Variants in NUP93 observed in about 807,000 individuals in gnomAD.
The protein encoded by NUP93 is nuclear pore complex protein Nup93.
In NUP93, 55 loss-of-function variants were observed where a neutral mutation model predicts 107.8. The observed-to-expected ratio is 0.51, with a 90% confidence interval of 0.41 to 0.64. NUP93 has a LOEUF of 0.64. Ranked by LOEUF, NUP93 falls within the 30% of genes least tolerant of loss-of-function variation. The pLI is 0.00. For synonymous variants in NUP93, 390 were observed against 397.5 expected, an observed-to-expected ratio of 0.98 and a Z score of 0.22; for missense variants, 937 against 1,044.7, an observed-to-expected ratio of 0.90 and a Z score of 1.42.
chr16:56,731,216 C>G (rs138177420), intron 1 of NUP93, among the ~76,000 whole-genome samples: 20 of 152,204 alleles, frequency 1.3e-4, no homozygotes, highest in African/African-American at 4.1e-4. Flanking sequence ...CACTTAATAT[C>G]TCCACTGAGA....
At chr16:56,800,237 C>T (rs1257585270) in intron 4 of NUP93, among the ~76,000 whole-genome samples, 1 of 152,128 alleles carries the variant, frequency 6.6e-6, no homozygotes, top group African/African-American at 2.4e-5. Context: ...GGCAATAGTA[C>T]TTAGTCATAG....
chr16:56,809,049 A>C (rs13335179), intron 5 of NUP93, among the ~76,000 whole-genome samples: 90,666 of 151,854 alleles, frequency 0.6, 27,898 homozygotes, highest in East Asian at 0.84. Context: ...TAGCTTACTG[A>C]ATGCTCTGTT....
chr16:56,843,213 G>A (rs938702617), intron 21 of NUP93, among the ~76,000 whole-genome samples: 10 of 152,224 alleles, frequency 6.6e-5, no homozygotes, highest in Non-Finnish European at 1.3e-4. Flanking sequence ...GCCAGCGGTG[G>A]GTTCATGGTG....
chr16:56,740,079 C>T (rs1216572249), intron 1 of NUP93, among the ~76,000 whole-genome samples: 11 of 106,916 alleles, frequency 1.0e-4, no homozygotes, highest in Admixed American at 1.8e-4. Context: ...GGAGGGCTCA[C>T]CCCCCCACCT....
intron 1 of NUP93, among the ~76,000 whole-genome samples, chr16:56,744,654 A>G (rs1961793003): frequency 6.6e-6 from 1 of 152,170 alleles, no homozygotes; most frequent in Non-Finnish European, 1.5e-5. Context: ...GAAGTTATGT[A>G]GCAAAATTCT....
chr16:56,745,263 G>GTCTT (rs1352025460), intron 1 of NUP93, among the ~76,000 whole-genome samples: 3 of 152,286 alleles, frequency 2.0e-5, no homozygotes, highest in Non-Finnish European at 4.4e-5. Context: ...GAATGTGCCT[G>GTCTT]ATCTGTTGGG....
intron 3 of NUP93, among the ~76,000 whole-genome samples, chr16:56,766,954 G>T (rs984518838): frequency 1.3e-4 from 20 of 152,214 alleles, no homozygotes; most frequent in African/African-American, 4.8e-4. Flanking sequence ...ATTTTCTTGT[G>T]CTGCAGTGCT....
chr16:56,734,855 G>A (rs1223383024), intron 1 of NUP93, among the ~76,000 whole-genome samples: 1 of 152,190 alleles, frequency 6.6e-6, no homozygotes, highest in African/African-American at 2.4e-5. Flanking sequence ...CCAAGTCTTT[G>A]TTAGATGCTA....
intron 1 of NUP93, chr16:56,741,011 G>GGGAGAA (rs1422768306): frequency 2.1e-4 from 31 of 148,108 alleles, no homozygotes; most frequent in African/African-American, 7.3e-4. Context: ...CGTGGGGAGA[G>GGGAGAA]GGAGAGGGAG....
chr16:56,832,645 A>G (rs1306779748), intron 12 of NUP93, among the ~76,000 whole-genome samples: 1 of 152,258 alleles, frequency 6.6e-6, no homozygotes, highest in African/African-American at 2.4e-5. Context: ...TCTAGTAGAC[A>G]TATGCTCAGG....
intron 1 of NUP93, among the ~76,000 whole-genome samples, chr16:56,735,857 G>A (rs1015896947): frequency 1.3e-5 from 2 of 151,468 alleles, no homozygotes; most frequent in Non-Finnish European, 2.9e-5. Context: ...AGCTAGAGGT[G>A]GCCACAGAGA....
intron 3 of NUP93, among the ~76,000 whole-genome samples, chr16:56,761,994 A>C (rs1962136246): frequency 6.6e-6 from 1 of 152,128 alleles, no homozygotes; most frequent in South Asian, 2.1e-4. Context: ...TTTAATGTTT[A>C]TTGATTTTAT....
chr16:56,746,529 A>T (rs1448159307), intron 1 of NUP93, among the ~76,000 whole-genome samples: 9 of 152,212 alleles, frequency 5.9e-5, no homozygotes, highest in Non-Finnish European at 1.2e-4. Flanking sequence ...GAACTTCATA[A>T]AGAATACCAA....
intron 5 of NUP93, among the ~76,000 whole-genome samples, chr16:56,808,638 A>ATATAAATATTTATAAATACATATATT (rs1963233240): frequency 7.3e-6 from 1 of 136,610 alleles, no homozygotes; most frequent in African/African-American, 2.7e-5. Context: ...AAATACATTT[A>ATATAAATATTTATAAATACATATATT]TATAAATATA....
At position 56,824,869 on chromosome 16, in the gene NUP93, A is replaced by AT. The variant is rs1365452066; in HGVS notation, c.794+1028dup. 5.3e-5 allele frequency among the ~76,000 whole-genome samples: 8 copies of AT among 152,288 alleles called. No homozygotes were observed. The South Asian group carries it at 1.7e-3, about 32-fold the overall frequency. On this transcript the variant is annotated intron_variant, in intron 8 of 21. Coordinates refer to ENST00000308159, the MANE Select transcript of NUP93 (RefSeq NM_014669.5). ...AAGAAAAATCTGGAGCTCAAAATGG[A>AT]TTTTTATTCTCCTAGTATAGGAATA...
intron 1 of NUP93, among the ~76,000 whole-genome samples, chr16:56,734,835 T>TG (rs1426732091): frequency 6.6e-6 from 1 of 152,228 alleles, no homozygotes; most frequent in African/African-American, 2.4e-5. Context: ...ATGAGGAAGA[T>TG]GGGGAAGGTC....
At chr16:56,743,180 A>C (rs1198030188) in intron 1 of NUP93, among the ~76,000 whole-genome samples, 1 of 152,226 alleles carries the variant, frequency 6.6e-6, no homozygotes, top group African/African-American at 2.4e-5. Flanking sequence ...TAAGACTCAC[A>C]TGTTAATAGT....
At chr16:56,756,327 G>C in intron 2 of NUP93, among the ~76,000 whole-genome samples, 1 of 115,004 alleles carries the variant, frequency 8.7e-6, no homozygotes, top group East Asian at 2.6e-4. Flanking sequence ...TCCTATGTGT[G>C]TTGTTCCCCT....
At chr16:56,767,758 C>T (rs1165214003) in intron 3 of NUP93, among the ~76,000 whole-genome samples, 2 of 152,138 alleles carry the variant, frequency 1.3e-5, no homozygotes, top group Non-Finnish European at 2.9e-5. Flanking sequence ...ACAGGAGGAC[C>T]CGTCTCTAAA....
Sources: allele counts gnomAD v4.1 joint callset (sites outside exome capture counted in the v4.1 genomes callset), GRCh38; gene constraint gnomAD v4.1.1; transcripts MANE v1.5; gene names NCBI Gene and HGNC (gene_info 2026-07-23, HGNC 2026-07-21).